The following CERS6 variants were observed in gnomAD, a reference collection of about 807,000 sequenced individuals.
The protein encoded by CERS6 is LAG1 homolog, ceramide synthase 6.
Under a neutral mutation model 56.8 loss-of-function variants are expected in CERS6, and 26 were observed. The observed-to-expected ratio is 0.46, with a 90% CI of 0.34 to 0.63. CERS6 has a LOEUF of 0.63. CERS6 is among the 30% of genes least tolerant of loss of function. The pLI is 0.01. For missense variants in CERS6, 415 were observed against 467.5 expected, an observed-to-expected ratio of 0.89 and a Z score of 1.04; for synonymous variants, 164 against 173.3, an observed-to-expected ratio of 0.95 and a Z score of 0.42.
intron 7 of CERS6, 52 bp downstream of exon 7, chr2:168,715,181 C>T (rs747608813): frequency 2.2e-5 from 34 of 1,544,774 alleles, no homozygotes; most frequent in South Asian, 3.6e-5. Flanking sequence ...TTTAGGAAGT[C>T]CCCAATCTCA....
At chr2:168,515,621 C>T (rs2105353123) in intron 1 of CERS6, among the ~76,000 whole-genome samples, 1 of 151,906 alleles carries the variant, frequency 6.6e-6, no homozygotes, top group East Asian at 1.9e-4. Flanking sequence ...GTAATTGGCC[C>T]TGTTAAAAGG....
intron 3 of CERS6, among the ~76,000 whole-genome samples, chr2:168,593,415 T>C (rs1294300714): frequency 6.6e-6 from 1 of 152,196 alleles, no homozygotes; most frequent in Non-Finnish European, 1.5e-5. Flanking sequence ...ACCGCAGTTT[T>C]CTTGATTAAT....
intron 3 of CERS6, among the ~76,000 whole-genome samples, chr2:168,626,237 C>T (rs79639589): frequency 0.017 from 2,623 of 152,240 alleles, 104 homozygotes; most frequent in East Asian, 0.16. Flanking sequence ...CTTAGAAGAA[C>T]TCAGGGGATA....
intron 1 of CERS6, among the ~76,000 whole-genome samples, chr2:168,508,825 C>T (rs768379100): frequency 2.6e-5 from 4 of 151,938 alleles, no homozygotes; most frequent in Non-Finnish European, 4.4e-5. Flanking sequence ...CAAACCTGCA[C>T]GTTCTGCACC....
At position 168,717,741 on chromosome 2, in the gene CERS6, G is replaced by GA. The variant is rs556353556; in HGVS notation, c.739-128dup. ...ATGTATGACATTTCAATCGCAGGCT[G>GA]AAATGCATAAAAATGCAGGCAATTT... On this transcript the variant is annotated intron_variant, in intron 7 of 9. Transcript: ENST00000305747. 3.8e-4 allele frequency: 225 copies of GA among 599,310 alleles called. 1 individual carries two copies. The African/African-American group carries it at 4.0e-3, about 11-fold the overall frequency. 37.1% of individuals were successfully genotyped at this position (599,310 alleles called of 1,614,324 possible).
chr2:168,635,733 T>C (rs963262968), intron 4 of CERS6, among the ~76,000 whole-genome samples: 1 of 152,214 alleles, frequency 6.6e-6, no homozygotes, highest in Non-Finnish European at 1.5e-5. Flanking sequence ...TGAAAACTTG[T>C]GGTTGAGAGT....
intron 3 of CERS6, among the ~76,000 whole-genome samples, chr2:168,562,192 G>C (rs1695802241): frequency 6.6e-6 from 1 of 152,132 alleles, no homozygotes; most frequent in Non-Finnish European, 1.5e-5. Context: ...CTTTCTCTTT[G>C]GGGTTGGAGC....
chr2:168,674,250 G>T (rs758990542), intron 4 of CERS6, among the ~76,000 whole-genome samples: 4 of 152,166 alleles, frequency 2.6e-5, no homozygotes, highest in Non-Finnish European at 5.9e-5. Flanking sequence ...AGAATAGTTA[G>T]ACCTTAACTC....
chr2:168,602,998 A>G (rs1180841543), intron 3 of CERS6, among the ~76,000 whole-genome samples: 1 of 152,058 alleles, frequency 6.6e-6, no homozygotes, highest in Non-Finnish European at 1.5e-5. Context: ...ATCTGCCTCT[A>G]CATAGCTCAA....
chr2:168,571,477 T>C (rs1417497698), intron 3 of CERS6, among the ~76,000 whole-genome samples: 1 of 152,074 alleles, frequency 6.6e-6, no homozygotes, highest in Non-Finnish European at 1.5e-5. Flanking sequence ...AGGATGGGCA[T>C]TTGGACTAAG....
chr2:168,722,729 T>C (rs867923398), intron 8 of CERS6, among the ~76,000 whole-genome samples: 4 of 152,204 alleles, frequency 2.6e-5, no homozygotes, highest in South Asian at 2.1e-4. Context: ...TCCTGTCTAA[T>C]AAGCCAGGAG....
intron 3 of CERS6, among the ~76,000 whole-genome samples, chr2:168,599,226 A>G (rs1318736066): frequency 6.6e-6 from 1 of 152,164 alleles, no homozygotes; most frequent in Non-Finnish European, 1.5e-5. Flanking sequence ...TTCTTGGTAC[A>G]GTTGTGCTCT....
intron 3 of CERS6, among the ~76,000 whole-genome samples, chr2:168,575,098 C>T (rs1683226636): frequency 6.6e-6 from 1 of 152,188 alleles, no homozygotes; most frequent in South Asian, 2.1e-4. Context: ...TGACTGCCAG[C>T]TCTACCTGCC....
intron 4 of CERS6, among the ~76,000 whole-genome samples, chr2:168,656,859 C>T (rs961382827): frequency 5.9e-5 from 9 of 152,064 alleles, no homozygotes; most frequent in African/African-American, 1.2e-4. Context: ...CTGATTGGTG[C>T]GTTTACAATC....
intron 2 of CERS6, among the ~76,000 whole-genome samples, chr2:168,558,056 A>T (rs1342999853): frequency 6.6e-6 from 1 of 152,230 alleles, no homozygotes; most frequent in Non-Finnish European, 1.5e-5. Flanking sequence ...TCTCATAAAA[A>T]GGAAATTGAA....
At chr2:168,751,289 G>A (rs927205482) in intron 8 of CERS6, among the ~76,000 whole-genome samples, 2 of 152,232 alleles carry the variant, frequency 1.3e-5, no homozygotes, top group African/African-American at 4.8e-5. Flanking sequence ...GGTTTGGGGT[G>A]TGGGCTGTAT....
intron 1 of CERS6, among the ~76,000 whole-genome samples, chr2:168,468,429 G>A (rs1427636845): frequency 6.6e-6 from 1 of 152,152 alleles, no homozygotes; most frequent in East Asian, 1.9e-4. Context: ...CTGTGTTTTG[G>A]CCCTGCCACT....
At chr2:168,567,148 G>A (rs1019615216) in intron 3 of CERS6, among the ~76,000 whole-genome samples, 1 of 152,172 alleles carries the variant, frequency 6.6e-6, no homozygotes, top group Admixed American at 6.5e-5. Flanking sequence ...GAGCTGTTTT[G>A]TTTCTGTTGT....
rs545368806 is a variant in CERS6, at chr2:168,498,411, A to C, written c.170+41793A>C. Among the ~76,000 whole-genome samples, 10 of 152,288 alleles carry C rather than the reference A, an allele frequency of 6.6e-5. No individual in the cohort carries two copies. The East Asian group carries it at 1.9e-3, about 29-fold the overall frequency. Reference sequence around the variant, plus strand: ...GTACCACAACCTGCAGGCAGGAAGCAGAGCCTCTGGCAGAAACTGAAAAGC... The same window carrying C: ...GTACCACAACCTGCAGGCAGGAAGCCGAGCCTCTGGCAGAAACTGAAAAGC... On this transcript the variant is annotated intron_variant, in intron 1 of 9. Transcript: ENST00000305747.
Sources: gnomAD v4.1 joint callset for allele counts (sites outside exome capture counted in the v4.1 genomes callset) on GRCh38, gnomAD v4.1.1 for gene constraint, MANE v1.5 for transcripts, NCBI Gene and HGNC (gene_info 2026-07-23, HGNC 2026-07-21) for gene names.